Variants in DCDC1 observed in about 807,000 individuals in gnomAD.
DCDC1 encodes the protein doublecortin domain-containing protein 1.
In DCDC1, 200 loss-of-function variants were observed where a neutral mutation model predicts 178.3. The observed-to-expected ratio is 1.12, with a 90% CI of 1.00 to 1.26. The LOEUF (loss-of-function observed/expected upper bound fraction) is 1.26, where lower values mean the gene tolerates loss of function less well. Ranked by LOEUF, DCDC1 falls within the 50% of genes most tolerant of loss-of-function variation. The probability of loss-of-function intolerance (pLI) is 0.00; values close to 1 mark genes in which losing one functional copy is unlikely to be tolerated. For synonymous variants in DCDC1, 690 were observed against 604.8 expected (o/e 1.14, Z -2.07); for missense variants, 1,983 against 1,749.2 (o/e 1.13, Z -2.38).
rs542449454 is a variant in DCDC1 at position 30,921,312 on chromosome 11, G to A, written c.3134-377C>T. ...TGACACATGCAAAGTTTTACTACAC[G>A]GTGTTCAATATATATAATAGGGCAA... On this transcript the variant is annotated intron_variant, in intron 24 of 38. Transcript: ENST00000684477. Among the ~76,000 whole-genome samples the A allele has an allele frequency of 4.6e-5, 7 of 152,078 alleles. No homozygotes were observed. The South Asian group carries it at 1.2e-3, about 27-fold the overall frequency.
At chr11:31,000,576 G>A (rs1229388071) in intron 20 of DCDC1, among the ~76,000 whole-genome samples, 5 of 152,118 alleles carry the variant, frequency 3.3e-5, no homozygotes, top group Admixed American at 1.3e-4. Flanking sequence ...GTCTCTAAGT[G>A]AGTCTCTGTG....
At chr11:30,880,005 T>C (rs968325836) in intron 37 of DCDC1, among the ~76,000 whole-genome samples, 4 of 152,220 alleles carry the variant, frequency 2.6e-5, no homozygotes, top group African/African-American at 9.6e-5. Flanking sequence ...GATTGTATTG[T>C]AATTATTTCA....
intron 1 of DCDC1, among the ~76,000 whole-genome samples, chr11:31,355,694 A>T (rs1209993953): frequency 4.0e-5 from 6 of 151,776 alleles, no homozygotes; most frequent in Admixed American, 6.6e-5. Flanking sequence ...CAGCCTCCTG[A>T]GTAGCTGGGA....
At chr11:31,252,062 A>G (rs778049437) in intron 8 of DCDC1, among the ~76,000 whole-genome samples, 1 of 152,204 alleles carries the variant, frequency 6.6e-6, no homozygotes, top group Non-Finnish European at 1.5e-5. Flanking sequence ...GATAAAATTA[A>G]AAGACTTGTG....
chr11:31,130,101 C>T (rs1396823400), intron 10 of DCDC1, among the ~76,000 whole-genome samples: 1 of 152,104 alleles, frequency 6.6e-6, no homozygotes, highest in Admixed American at 6.5e-5. Flanking sequence ...TTAATACTGG[C>T]ACTGAAATTA....
intron 1 of DCDC1, among the ~76,000 whole-genome samples, chr11:31,341,386 GATAGA>G (rs1950531441): frequency 3.3e-5 from 1 of 30,618 alleles, no homozygotes; most frequent in Non-Finnish European, 7.8e-5. Context: ...CAGTTTTATA[GATAGA>G]TAGATAGATA....
chr11:31,322,665 C>T (rs1949430195), intron 3 of DCDC1, among the ~76,000 whole-genome samples: 3 of 152,130 alleles, frequency 2.0e-5, no homozygotes, highest in South Asian at 4.1e-4. Context: ...ATCTTGCAAG[C>T]AGGAGGGGTC....
chr11:31,269,276 G>A (rs1028565633), intron 7 of DCDC1, among the ~76,000 whole-genome samples: 1 of 152,050 alleles, frequency 6.6e-6, no homozygotes, highest in African/African-American at 2.4e-5. Flanking sequence ...GTACATTATG[G>A]TGTCATCTTG....
At chr11:31,255,007 C>T (rs980986171) in intron 8 of DCDC1, among the ~76,000 whole-genome samples, 5 of 152,108 alleles carry the variant, frequency 3.3e-5, no homozygotes, top group African/African-American at 7.2e-5. Flanking sequence ...GATTTATTCG[C>T]TCTGGATGTT....
At chr11:31,209,356 T>A (rs935381903) in intron 9 of DCDC1, among the ~76,000 whole-genome samples, 3 of 152,140 alleles carry the variant, frequency 2.0e-5, no homozygotes, top group African/African-American at 7.2e-5. Context: ...CAAGGAATAG[T>A]CTGAGAGGGG....
intron 17 of DCDC1, among the ~76,000 whole-genome samples, chr11:31,085,890 T>C (rs1194267649): frequency 6.6e-6 from 1 of 152,062 alleles, no homozygotes; most frequent in Non-Finnish European, 1.5e-5. Context: ...AATTTTTTAG[T>C]TAAAAATTTT....
intron 20 of DCDC1, among the ~76,000 whole-genome samples, chr11:30,991,822 T>G (rs1025143416): frequency 6.6e-6 from 1 of 152,162 alleles, no homozygotes; most frequent in Non-Finnish European, 1.5e-5. Flanking sequence ...AGATAAACAC[T>G]GGGAACATAT....
At chr11:30,931,678 C>T (rs1230763598) in intron 22 of DCDC1, 93 bp downstream of exon 22, 2 of 1,304,712 alleles carry the variant, frequency 1.5e-6, no homozygotes, top group Non-Finnish European at 1.0e-6. Context: ...TAAATAAATA[C>T]AGAATTCCCA....
At chr11:31,148,210 T>TA (rs55829692) in intron 9 of DCDC1, among the ~76,000 whole-genome samples, 8,081 of 95,272 alleles carry the variant, frequency 0.085, 398 homozygotes, top group African/African-American at 0.15. Flanking sequence ...TTTATTATTA[T>TA]AAAAAAAAAA....
intron 6 of DCDC1, among the ~76,000 whole-genome samples, chr11:31,295,295 T>C (rs943747643): frequency 6.6e-6 from 1 of 152,160 alleles, no homozygotes; most frequent in Non-Finnish European, 1.5e-5. Flanking sequence ...TTTTGATCCA[T>C]AGTTGGTTGA....
chr11:31,142,351 T>C (rs1325355709), intron 9 of DCDC1, among the ~76,000 whole-genome samples: 2 of 152,190 alleles, frequency 1.3e-5, no homozygotes, highest in Admixed American at 6.5e-5. Flanking sequence ...AGGCATTGGT[T>C]TGAAAAGTTT....
chr11:31,024,906 T>C (rs1953125272), intron 20 of DCDC1, among the ~76,000 whole-genome samples: 1 of 151,896 alleles, frequency 6.6e-6, no homozygotes. Context: ...AAAATCGTTA[T>C]TACCCTTAAT....
chr11:30,927,942 TA>T (rs534315928), intron 22 of DCDC1, among the ~76,000 whole-genome samples: 238 of 152,062 alleles, frequency 1.6e-3, no homozygotes, highest in East Asian at 6.0e-3. Context: ...AAATACTGAT[TA>T]AAAAAAATTA....
At chr11:30,931,659 C>G (rs148852632) in intron 22 of DCDC1, 112 bp downstream of exon 22, 5 of 1,064,440 alleles carry the variant, frequency 4.7e-6, no homozygotes, top group Non-Finnish European at 6.5e-6. Flanking sequence ...AATATGGGAG[C>G]CCTTTTGCTA....
Sources: allele counts gnomAD v4.1 joint callset (sites outside exome capture counted in the v4.1 genomes callset), GRCh38; gene constraint gnomAD v4.1.1; transcripts MANE v1.5; gene names NCBI Gene and HGNC (gene_info 2026-07-23, HGNC 2026-07-21).